Variants in SIPA1L1 observed in about 807,000 individuals in gnomAD.
The protein encoded by SIPA1L1 is signal induced proliferation associated 1 like 1, also known as signal-induced proliferation-associated 1-like protein 1.
SIPA1L1 carries 26 observed loss-of-function variants against 162.7 expected under a neutral mutation model. That is an observed-to-expected ratio of 0.16 (90% CI 0.12 to 0.22). The LOEUF is 0.22. Among genes scored for constraint, SIPA1L1 ranks in the 10% least tolerant of loss-of-function variants. The pLI is 1.00. For synonymous variants in SIPA1L1, 829 were observed against 837.4 expected (o/e 0.99, Z 0.17); for missense variants, 1,874 against 2,241.0 (o/e 0.84, Z 3.31).
chr14:71,532,531 A>C (rs889733164), intron 4 of SIPA1L1, among the ~76,000 whole-genome samples: 2 of 152,168 alleles, frequency 1.3e-5, no homozygotes, highest in African/African-American at 2.4e-5. Context: ...CAGATCTGTA[A>C]TTAGGTCTTG....
At position 71,647,266 on chromosome 14, in the gene SIPA1L1, C is replaced by T. The variant is rs3784061; in HGVS notation, c.1819-3069C>T. ...TCACAACTGGCAAAACCGGTTTGTTCTGTCAGCAGGTGGAGCTCACTAGGG... is the reference window on the plus strand; with the variant it reads ...TCACAACTGGCAAAACCGGTTTGTTTTGTCAGCAGGTGGAGCTCACTAGGG... On this transcript the variant is annotated intron_variant, in intron 7 of 23. Transcript: ENST00000381232. Among the ~76,000 whole-genome samples the T allele has an allele frequency of 2.9e-4, 44 of 152,140 alleles. No homozygotes were observed. The East Asian group carries it at 8.2e-3, about 28-fold the overall frequency.
At chr14:71,551,542 A>G (rs1376135687) in intron 4 of SIPA1L1, among the ~76,000 whole-genome samples, 1 of 152,178 alleles carries the variant, frequency 6.6e-6, no homozygotes, top group Non-Finnish European at 1.5e-5. Flanking sequence ...CTCTACTACC[A>G]AAAGTGTCCA....
intron 12 of SIPA1L1, among the ~76,000 whole-genome samples, chr14:71,679,105 G>A (rs1043429948): frequency 2.0e-5 from 3 of 152,006 alleles, no homozygotes; most frequent in African/African-American, 2.4e-5. Flanking sequence ...GATACTCCTC[G>A]AGAAGAGCAA....
At chr14:71,542,676 C>A (rs2054564591) in intron 4 of SIPA1L1, among the ~76,000 whole-genome samples, 1 of 128,652 alleles carries the variant, frequency 7.8e-6, no homozygotes. Flanking sequence ...CCTCCTCCTC[C>A]TCCTCCTTCC....
chr14:71,642,652 T>A (rs1326775338), intron 7 of SIPA1L1, among the ~76,000 whole-genome samples: 1 of 152,144 alleles, frequency 6.6e-6, no homozygotes, highest in Non-Finnish European at 1.5e-5. Flanking sequence ...AACAAGGTAA[T>A]ATTCATAATG....
intron 2 of SIPA1L1, among the ~76,000 whole-genome samples, chr14:71,441,642 A>G (rs1184792476): frequency 6.6e-6 from 1 of 152,186 alleles, no homozygotes; most frequent in Non-Finnish European, 1.5e-5. Flanking sequence ...TGTAAGTACT[A>G]AATAAATGCT....
At chr14:71,552,621 C>T (rs1323981857) in intron 4 of SIPA1L1, among the ~76,000 whole-genome samples, 2 of 151,984 alleles carry the variant, frequency 1.3e-5, no homozygotes, top group Admixed American at 6.6e-5. Context: ...TGGTCTCGAT[C>T]TCCTGACCTT....
At chr14:71,613,796 A>C (rs921473043) in intron 5 of SIPA1L1, among the ~76,000 whole-genome samples, 1 of 152,226 alleles carries the variant, frequency 6.6e-6, no homozygotes, top group African/African-American at 2.4e-5. Context: ...TCGATGGCTG[A>C]TAGGAAAACA....
At chr14:71,625,727 G>A (rs1431651953) in intron 7 of SIPA1L1, among the ~76,000 whole-genome samples, 1 of 151,896 alleles carries the variant, frequency 6.6e-6, no homozygotes, top group Non-Finnish European at 1.5e-5. Flanking sequence ...TTATTGATTC[G>A]GTCATTTCTA....
At chr14:71,567,086 A>T (rs1164050118) in intron 4 of SIPA1L1, among the ~76,000 whole-genome samples, 1 of 152,196 alleles carries the variant, frequency 6.6e-6, no homozygotes, top group Non-Finnish European at 1.5e-5. Flanking sequence ...ACAAGATAAC[A>T]CTTTATATTC....
chr14:71,664,978 G>C (rs981805251), intron 10 of SIPA1L1, among the ~76,000 whole-genome samples: 5 of 152,152 alleles, frequency 3.3e-5, no homozygotes, highest in African/African-American at 1.2e-4. Context: ...CTAGAAATGG[G>C]AAGGAGGATG....
intron 2 of SIPA1L1, among the ~76,000 whole-genome samples, chr14:71,434,936 G>A (rs994512417): frequency 2.6e-5 from 4 of 152,112 alleles, no homozygotes; most frequent in Non-Finnish European, 5.9e-5. Context: ...ACTGTACTAT[G>A]CTTTCATTGT....
intron 13 of SIPA1L1, among the ~76,000 whole-genome samples, chr14:71,691,085 CAT>C (rs1255782305): frequency 6.6e-6 from 1 of 152,204 alleles, no homozygotes; most frequent in Non-Finnish European, 1.5e-5. Context: ...CATCTCCACA[CAT>C]GTTCCTGCCA....
intron 2 of SIPA1L1, among the ~76,000 whole-genome samples, chr14:71,405,759 A>G (rs2041987618): frequency 6.6e-6 from 1 of 152,182 alleles, no homozygotes; most frequent in African/African-American, 2.4e-5. Context: ...TACTGCTGTA[A>G]TGATGTCTTT....
intron 4 of SIPA1L1, among the ~76,000 whole-genome samples, chr14:71,564,466 C>G (rs1167419938): frequency 7.4e-6 from 1 of 134,384 alleles, no homozygotes; most frequent in East Asian, 2.2e-4. Flanking sequence ...GATGTCCTGA[C>G]TTCTTATCCT....
chr14:71,667,069 A>C lies in SIPA1L1; in HGVS notation c.2256-4050A>C, dbSNP rs142096189. Reference sequence around the variant, plus strand: ...TATTGTGCTTAAAAGCATTTAGAGGAAAGTTCAGACTTGCAAGCATAGCTT... The same window carrying C: ...TATTGTGCTTAAAAGCATTTAGAGGCAAGTTCAGACTTGCAAGCATAGCTT... On this transcript the variant is annotated intron_variant, in intron 10 of 23. Transcript: ENST00000381232. Among the ~76,000 whole-genome samples the C allele has an allele frequency of 1.1e-3, 166 of 152,170 alleles. 1 individual carries two copies. The highest frequency in any genetic ancestry group is 5.3e-4 in the Non-Finnish European group (36 of 67,998).
chr14:71,423,895 G>A (rs952763375), intron 2 of SIPA1L1, among the ~76,000 whole-genome samples: 1 of 152,070 alleles, frequency 6.6e-6, no homozygotes, highest in Non-Finnish European at 1.5e-5. Context: ...GTTGTTTTGG[G>A]TAATATTGCT....
chr14:71,459,376 T>A (rs1038931324), intron 2 of SIPA1L1, among the ~76,000 whole-genome samples: 2 of 152,062 alleles, frequency 1.3e-5, no homozygotes, highest in Non-Finnish European at 2.9e-5. Context: ...GGGAAAAGGA[T>A]GGGGCTTGTA....
At chr14:71,671,055 T>C in intron 10 of SIPA1L1, 64 bp from the exon 11 acceptor site, 1 of 1,314,072 alleles carries the variant, frequency 7.6e-7, no homozygotes. Context: ...AGAAAGTATA[T>C]TTTATTCTGA....
Sources: gnomAD v4.1 joint callset for allele counts (sites outside exome capture counted in the v4.1 genomes callset) on GRCh38, gnomAD v4.1.1 for gene constraint, MANE v1.5 for transcripts, NCBI Gene and HGNC (gene_info 2026-07-23, HGNC 2026-07-21) for gene names.